KCNH7: variants seen among roughly 807,000 people sequenced by gnomAD.
KCNH7 encodes the protein potassium voltage-gated channel subfamily H member 7.
Under a neutral mutation model 120.8 loss-of-function variants are expected in KCNH7, and 49 were observed. The ratio of observed to expected loss-of-function variants is 0.41; its 90% CI spans 0.32 to 0.51. The LOEUF is 0.51. Among genes scored for constraint, KCNH7 ranks in the 20% least tolerant of loss-of-function variants. The pLI is 0.38. For synonymous variants in KCNH7, 547 were observed against 516.1 expected, an observed-to-expected ratio of 1.06 and a Z score of -0.81; for missense variants, 1,097 against 1,446.6, an observed-to-expected ratio of 0.76 and a Z score of 3.92.
intron 2 of KCNH7, among the ~76,000 whole-genome samples, chr2:162,699,710 C>T (rs900403283): frequency 6.6e-6 from 1 of 152,088 alleles, no homozygotes; most frequent in African/African-American, 2.4e-5. Flanking sequence ...ACAAATGGAT[C>T]ATCAATAATC....
chr2:162,806,140 A>G (rs1342068329), intron 2 of KCNH7, among the ~76,000 whole-genome samples: 1 of 152,152 alleles, frequency 6.6e-6, no homozygotes, highest in African/African-American at 2.4e-5. Flanking sequence ...TACAGTATGC[A>G]CTACTTGGGT....
intron 9 of KCNH7, among the ~76,000 whole-genome samples, chr2:162,410,272 C>G (rs1687346290): frequency 6.6e-6 from 1 of 151,870 alleles, no homozygotes; most frequent in Admixed American, 6.6e-5. Context: ...GAAATAAAGC[C>G]ACACACATAC....
At chr2:162,552,778 A>G (rs1240706801) in intron 2 of KCNH7, among the ~76,000 whole-genome samples, 2 of 152,220 alleles carry the variant, frequency 1.3e-5, no homozygotes, top group Non-Finnish European at 2.9e-5. Flanking sequence ...AGCCGAAAGC[A>G]GTGATGAATA....
At chr2:162,648,729 C>A (rs1184021096) in intron 2 of KCNH7, among the ~76,000 whole-genome samples, 1 of 152,062 alleles carries the variant, frequency 6.6e-6, no homozygotes, top group Admixed American at 6.6e-5. Flanking sequence ...TGTCTCTTGG[C>A]CTATAGAGTC....
intron 2 of KCNH7, among the ~76,000 whole-genome samples, chr2:162,741,914 T>G (rs752441896): frequency 1.3e-5 from 2 of 152,206 alleles, no homozygotes; most frequent in Non-Finnish European, 2.9e-5. Flanking sequence ...ATGTTTCCTG[T>G]GAATAGATTT....
chr2:162,445,109 C>A (rs565785676), intron 7 of KCNH7, among the ~76,000 whole-genome samples: 1 of 152,134 alleles, frequency 6.6e-6, no homozygotes, highest in South Asian at 2.1e-4. Flanking sequence ...GAAATAAAAT[C>A]TTTTGGTTCC....
chr2:162,774,640 A>T (rs1683170927), intron 2 of KCNH7, among the ~76,000 whole-genome samples: 1 of 152,182 alleles, frequency 6.6e-6, no homozygotes, highest in South Asian at 2.1e-4. Context: ...CAGTAAATAT[A>T]TTTCTTTAAC....
intron 2 of KCNH7, among the ~76,000 whole-genome samples, chr2:162,747,558 C>T (rs935080201): frequency 2.0e-5 from 3 of 152,114 alleles, no homozygotes; most frequent in Non-Finnish European, 4.4e-5. Flanking sequence ...TGTGGAGTGA[C>T]AGCGAATGTG....
chr2:162,724,719 C>A (rs1021528892), intron 2 of KCNH7, among the ~76,000 whole-genome samples: 5 of 151,598 alleles, frequency 3.3e-5, no homozygotes, highest in Non-Finnish European at 7.4e-5. Context: ...GAAATGTGAT[C>A]TCTCTCTTCC....
chr2:162,782,710 C>T (rs746920631), intron 2 of KCNH7, among the ~76,000 whole-genome samples: 7 of 152,140 alleles, frequency 4.6e-5, no homozygotes, highest in Non-Finnish European at 8.8e-5. Flanking sequence ...TGATTCTGAG[C>T]ATGTTTCTGT....
intron 2 of KCNH7, among the ~76,000 whole-genome samples, chr2:162,674,015 C>T (rs1323303759): frequency 1.3e-5 from 2 of 151,620 alleles, no homozygotes; most frequent in Non-Finnish European, 1.5e-5. Flanking sequence ...GAAAAAATGT[C>T]CACAATCATC....
intron 2 of KCNH7, among the ~76,000 whole-genome samples, chr2:162,678,696 G>C (rs1685609280): frequency 6.6e-6 from 1 of 151,496 alleles, no homozygotes; most frequent in Non-Finnish European, 1.5e-5. Flanking sequence ...ATGATTAACA[G>C]ATTTGGATAC....
At chr2:162,793,093 A>G (rs1251153267) in intron 2 of KCNH7, among the ~76,000 whole-genome samples, 1 of 152,046 alleles carries the variant, frequency 6.6e-6, no homozygotes, top group East Asian at 1.9e-4. Flanking sequence ...TGGTACATAT[A>G]CACCATGGAA....
intron 2 of KCNH7, among the ~76,000 whole-genome samples, chr2:162,646,156 A>C (rs1187354533): frequency 2.0e-5 from 3 of 152,206 alleles, no homozygotes; most frequent in Non-Finnish European, 2.9e-5. Context: ...TAAGCGATTT[A>C]TATTTGCAAA....
intron 2 of KCNH7, among the ~76,000 whole-genome samples, chr2:162,704,095 T>C (rs1003688367): frequency 1.3e-5 from 2 of 152,120 alleles, no homozygotes; most frequent in Non-Finnish European, 2.9e-5. Context: ...CAAATAACTA[T>C]ATGTGAACTT....
chr2:162,576,634 T>G (rs1040482852), intron 2 of KCNH7, among the ~76,000 whole-genome samples: 6 of 141,052 alleles, frequency 4.3e-5, no homozygotes, highest in African/African-American at 1.6e-4. Flanking sequence ...CAAAAATATT[T>G]CTAGTGTTTT....
At chr2:162,780,732 T>C (rs991334431) in intron 2 of KCNH7, among the ~76,000 whole-genome samples, 8 of 152,112 alleles carry the variant, frequency 5.3e-5, no homozygotes, top group Admixed American at 3.9e-4. Flanking sequence ...TTCCAAACAA[T>C]CGACTCAACA....
intron 6 of KCNH7, among the ~76,000 whole-genome samples, chr2:162,474,445 T>C (rs1462050721): frequency 2.6e-5 from 4 of 152,210 alleles, no homozygotes; most frequent in African/African-American, 9.6e-5. Context: ...CTGAAACTAA[T>C]TAGAGGTAGC....
At chr2:162,789,071 A>C (rs1411260433) in intron 2 of KCNH7, among the ~76,000 whole-genome samples, 1 of 151,794 alleles carries the variant, frequency 6.6e-6, no homozygotes, top group East Asian at 1.9e-4. Context: ...AAAATGAGAG[A>C]TACTTTCCCA....
Sources: allele counts gnomAD v4.1 joint callset (sites outside exome capture counted in the v4.1 genomes callset), GRCh38; gene constraint gnomAD v4.1.1; transcripts MANE v1.5; gene names NCBI Gene and HGNC (gene_info 2026-07-23, HGNC 2026-07-21).